Variants in MAPK8IP3 observed in about 807,000 individuals in gnomAD.
The protein encoded by MAPK8IP3 is C-Jun-amino-terminal kinase-interacting protein 3.
In MAPK8IP3, 49 loss-of-function variants were observed where a neutral mutation model predicts 157.8. The ratio of observed to expected loss-of-function variants is 0.31; its 90% CI spans 0.25 to 0.39. The LOEUF (loss-of-function observed/expected upper bound fraction) is 0.39. MAPK8IP3 is among the 10% of genes least tolerant of loss of function. The pLI is 1.00. For synonymous variants in MAPK8IP3, 897 were observed against 777.7 expected, an observed-to-expected ratio of 1.15 and a Z score of -2.55; for missense variants, 1,478 against 1,889.4, an observed-to-expected ratio of 0.78 and a Z score of 4.04.
chr16:1,744,699 C>G, intron 5 of MAPK8IP3: 3 of 985,518 alleles, frequency 3.0e-6, no homozygotes, highest in Non-Finnish European at 3.6e-6. Context: ...GCTCTCTGGC[C>G]TCCGGGCTGC....
At chr16:1,760,563 G>C in intron 12 of MAPK8IP3, 31 bp downstream of exon 12, 1 of 1,595,864 alleles carries the variant, frequency 6.3e-7, no homozygotes. Flanking sequence ...GCTGGTCAGA[G>C]AGGGACCCCG....
At position 1,711,401 on chromosome 16, in the gene MAPK8IP3, T is replaced by C. The variant is rs1003771423; in HGVS notation, c.318+4744T>C. On this transcript the variant is annotated intron_variant, in intron 1 of 31. Coordinates refer to ENST00000610761, the MANE Select transcript of MAPK8IP3 (RefSeq NM_001318852.2). ...GCTCATGGGCCCTGGGGACCAGATA[T>C]GGAGCATGTCCTCAGGCCTCAGCAG... Among the ~76,000 whole-genome samples the C allele has an allele frequency of 3.3e-5, 5 of 152,220 alleles. 1 individual carries two copies. Among genetic ancestry groups the C allele is most frequent in the Admixed American group, 6.5e-5 (1 of 15,286 alleles).
intron 10 of MAPK8IP3, 114 bp downstream of exon 10, chr16:1,759,109 G>T: frequency 2.1e-6 from 3 of 1,407,910 alleles, no homozygotes; most frequent in Non-Finnish European, 2.0e-6. Flanking sequence ...GGGCCGCCGG[G>T]GTCAGGGGGG....
chr16:1,720,622 CATA>C (rs1261578528), intron 1 of MAPK8IP3, among the ~76,000 whole-genome samples: 1 of 152,220 alleles, frequency 6.6e-6, no homozygotes, highest in African/African-American at 2.4e-5. Context: ...GACCGAGACT[CATA>C]ATTTAAAATT....
rs1389515607 is a variant in MAPK8IP3 at position 1,748,360 on chromosome 16, C to T, written c.1097+14C>T. On this transcript the variant is annotated intron_variant, in intron 7 of 31. Coordinates refer to ENST00000610761, the MANE Select transcript of MAPK8IP3 (RefSeq NM_001318852.2). ...CACAGGAAGCAGGTACTGGCTCAGC[C>T]CAGGCCCTGGGGTCCTGGGGGCTCA... The T allele has an allele frequency of 1.2e-6, 2 of 1,608,870 alleles. No homozygotes were observed. The highest frequency in any genetic ancestry group is 1.7e-6 in the Non-Finnish European group (2 of 1,176,092).
At chr16:1,766,478 G>A (rs538814655) in intron 22 of MAPK8IP3, 51 bp from the exon 23 acceptor site, 1 of 1,603,746 alleles carries the variant, frequency 6.2e-7, no homozygotes, top group Admixed American at 1.7e-5. Flanking sequence ...CGGGGTCTTG[G>A]GGCAGGTGCG....
chr16:1,760,459 G>A lies in MAPK8IP3; in HGVS notation c.1384G>A (p.Glu462Lys), dbSNP rs778619806. 4.1e-5 allele frequency: 66 copies of A among 1,614,026 alleles called. No homozygotes were observed. The highest frequency in any genetic ancestry group is 1.0e-4 in the Admixed American group (6 of 60,012). The change falls in exon 12 of 32, where the codon GAG becomes AAG. Residue 462 changes from glutamate to lysine, a missense_variant. Around this residue, in one of 11 missense-constraint regions of MAPK8IP3, gnomAD observed 96 missense variants for 106.3 expected, o/e 0.90. Transcript: ENST00000610761. ...LSGEQEVLRG[E>K]LEAAKQAKVK... ...CGGGGAGCAGGAGGTGCTGAGGGGC[G>A]AGTTGGAGGCTGCTAAGCAGGCCAA...
At position 1,743,036 on chromosome 16, in the gene MAPK8IP3, A is replaced by G. The variant is rs1434520625; in HGVS notation, c.603-296A>G. ...CGTGAACCTGGGAGGTGGAACTTGC[A>G]GTGAGCCAAGTTCGTGCCACTGCAC... On this transcript the variant is annotated intron_variant, in intron 4 of 31. Coordinates refer to ENST00000610761, the MANE Select transcript of MAPK8IP3 (RefSeq NM_001318852.2). This position sits in a 1 kb window ranked among gnomAD's most constrained non-coding sequence, Gnocchi z 5.6. 1.3e-5 allele frequency among the ~76,000 whole-genome samples: 2 copies of G among 152,136 alleles called. No individual in the cohort carries two copies. Among genetic ancestry groups the G allele is most frequent in the Non-Finnish European group, 2.9e-5 (2 of 68,014 alleles).
At chr16:1,760,135 C>G in intron 11 of MAPK8IP3, 120 bp downstream of exon 11, 6 of 1,153,252 alleles carry the variant, frequency 5.2e-6, no homozygotes, top group Non-Finnish European at 7.7e-6. Context: ...AGCAGCTGTC[C>G]TCATCTCTGG....
intron 4 of MAPK8IP3, among the ~76,000 whole-genome samples, chr16:1,740,473 G>A (rs1189503910): frequency 3.9e-5 from 6 of 152,062 alleles, no homozygotes; most frequent in South Asian, 2.1e-4. Context: ...CTGACCGTCC[G>A]TGTGAGCATC....
chr16:1,724,604 G>T lies in MAPK8IP3; in HGVS notation c.366G>T (p.Leu122=), dbSNP rs2038746705. The change falls in exon 2 of 32, where the codon CTG becomes CTT. Residue 122 remains leucine, a synonymous_variant. Transcript: ENST00000610761. This position sits in a 1 kb window ranked among gnomAD's most constrained non-coding sequence, Gnocchi z 4.1. ...CTCTGGAACAAGAGAAGAAAGAGCTGCAAATCCAGGTGGAGCACTACGAGT... is the reference window on the plus strand; with the variant it reads ...CTCTGGAACAAGAGAAGAAAGAGCTTCAAATCCAGGTGGAGCACTACGAGT... ...EDALEQEKKE[L]QIQVEHYEFQ... is the part of the protein sequence containing the mutation. The T allele has an allele frequency of 1.2e-6, 2 of 1,613,544 alleles. No individual in the cohort carries two copies. The highest frequency in any genetic ancestry group is 1.7e-6 in the Non-Finnish European group (2 of 1,180,004).
intron 5 of MAPK8IP3, chr16:1,745,302 T>G (rs2040897213): frequency 2.2e-6 from 1 of 450,440 alleles, no homozygotes; most frequent in Admixed American, 6.4e-5. Context: ...CCTGGCCACA[T>G]GGGGTTCCCT....
chr16:1,728,929 C>T (rs111357032), intron 2 of MAPK8IP3, among the ~76,000 whole-genome samples: 15 of 152,052 alleles, frequency 9.9e-5, no homozygotes, highest in Non-Finnish European at 7.4e-5. Flanking sequence ...GCCCCCAAGA[C>T]GGCCTTCACA....
intron 4 of MAPK8IP3, among the ~76,000 whole-genome samples, chr16:1,739,701 T>C (rs2040500787): frequency 7.6e-6 from 1 of 131,384 alleles, no homozygotes; most frequent in South Asian, 2.9e-4. Context: ...TGAGCTTCCG[T>C]GTGACCGTCC....
At chr16:1,756,111 C>T (rs1351788478) in intron 8 of MAPK8IP3, among the ~76,000 whole-genome samples, 1 of 151,998 alleles carries the variant, frequency 6.6e-6, no homozygotes, top group South Asian at 2.1e-4. Flanking sequence ...GATGCTCCTT[C>T]GAGGGAGCAG....
At chr16:1,738,360 GTGTGAGTGTGACCATCCA>G (rs1378820456) in intron 4 of MAPK8IP3, among the ~76,000 whole-genome samples, 1 of 88,634 alleles carries the variant, frequency 1.1e-5, no homozygotes, top group Non-Finnish European at 2.2e-5. Flanking sequence ...GTGACCATCC[GTGTGAGTGTGACCATCCA>G]TGTGAGCATC....
chr16:1,714,626 C>A (rs988530647), intron 1 of MAPK8IP3, among the ~76,000 whole-genome samples: 4 of 152,192 alleles, frequency 2.6e-5, no homozygotes, highest in Admixed American at 1.3e-4. Flanking sequence ...CTAACCTTTC[C>A]TCAGCCAGCC....
intron 4 of MAPK8IP3, among the ~76,000 whole-genome samples, chr16:1,736,180 G>C (rs1006127212): frequency 1.6e-5 from 2 of 124,900 alleles, no homozygotes; most frequent in African/African-American, 6.1e-5. Context: ...CCGTGTGAGC[G>C]TGTGACCGTC....
intron 8 of MAPK8IP3, among the ~76,000 whole-genome samples, chr16:1,750,268 A>G (rs949227104): frequency 1.3e-5 from 2 of 152,290 alleles, no homozygotes; most frequent in East Asian, 3.9e-4. Context: ...GCTGGAATGC[A>G]GTGGCGCCAT....
Sources: gnomAD v4.1 joint callset for allele counts (sites outside exome capture counted in the v4.1 genomes callset) on GRCh38, gnomAD v4.1.1 for gene constraint, gnomAD v4.1.1 regional missense constraint, Gnocchi (gnomAD v3.1) non-coding constraint, MANE v1.5 for transcripts, NCBI Gene and HGNC (gene_info 2026-07-23, HGNC 2026-07-21) for gene names.